Variants in LAMB4 observed in about 807,000 individuals in gnomAD.
LAMB4 encodes laminin subunit beta 4.
Under a neutral mutation model 199.2 loss-of-function variants are expected in LAMB4, and 196 were observed. The observed-to-expected ratio is 0.98, with a 90% CI of 0.88 to 1.11. The LOEUF (loss-of-function observed/expected upper bound fraction) is 1.11, where lower values mean the gene tolerates loss of function less well. Ranked by LOEUF, LAMB4 falls within the 50% of genes least tolerant of loss-of-function variation. The pLI is 0.00. For missense variants in LAMB4, 2,080 were observed against 2,171.2 expected (o/e 0.96, Z 0.83); for synonymous variants, 744 against 770.6 (o/e 0.97, Z 0.57).
At chr7:108,017,413 CAG>C in the LAMB4 span, among the ~76,000 whole-genome samples, 1 of 152,030 alleles carries the variant, frequency 6.6e-6, no homozygotes, top group Non-Finnish European at 1.5e-5. Flanking sequence ...AGAGAAGAAA[CAG>C]GGTGGAGGGC....
At position 108,067,094 on chromosome 7, in the gene LAMB4, T is replaced by A. The variant is rs1242589298; in HGVS notation, c.2447-494A>T. Among the ~76,000 whole-genome samples the A allele has an allele frequency of 5.3e-5, 8 of 152,274 alleles. No homozygotes were observed. In the East Asian group the frequency reaches 1.5e-3, roughly 29 times the overall value. The stretch of plus-strand genomic sequence containing the variant: ...ATTGTTGAATCCCTTGAGCCAATCT[T>A]CCCTGTGCCAAAATGTGATGCCAGT... On this transcript the variant is annotated intron_variant, in intron 19 of 33. Transcript: ENST00000388781.
At chr7:108,029,918 G>C (rs934817021) in intron 32 of LAMB4, among the ~76,000 whole-genome samples, 1 of 152,074 alleles carries the variant, frequency 6.6e-6, no homozygotes, top group African/African-American at 2.4e-5. Context: ...AGGAGATTGA[G>C]ACCATCCTGG....
Position 108,069,643 on chromosome 7 carries a change from T to A in LAMB4, c.2302+65A>T. ...TGGAGTGGATGCTAACATAAATTGA[T>A]TTGCTCCAAAAAGCATTTGTATGGA... On this transcript the variant is annotated intron_variant, in intron 18 of 33. Coordinates refer to ENST00000388781, the MANE Select transcript of LAMB4 (RefSeq NM_007356.3). 2.1e-6 allele frequency: 3 copies of A among 1,462,248 alleles called. No individual in the cohort carries two copies. The South Asian group carries it at 3.8e-5, about 18-fold the overall frequency. The allele number at this position is 1,462,248 out of a possible 1,614,324, so 90.6% of individuals were successfully genotyped here.
intron 17 of LAMB4, chr7:108,075,515 G>A (rs1477640775): frequency 1.3e-5 from 2 of 152,126 alleles, no homozygotes; most frequent in East Asian, 3.8e-4. Context: ...GATATTAGAA[G>A]ATTCTCACAA....
chr7:108,125,747 G>C (rs967199755), intron 1 of LAMB4, among the ~76,000 whole-genome samples: 2 of 152,240 alleles, frequency 1.3e-5, no homozygotes, highest in Non-Finnish European at 2.9e-5. Context: ...ACAGGAGGTG[G>C]AACTGTAATG....
chr7:108,101,462 A>C (rs2037812379), intron 10 of LAMB4, among the ~76,000 whole-genome samples: 1 of 152,192 alleles, frequency 6.6e-6, no homozygotes, highest in South Asian at 2.1e-4. Flanking sequence ...GGGGACATGG[A>C]AACTCAGGCC....
At chr7:108,109,374 A>G in intron 4 of LAMB4, 130 bp from the exon 5 acceptor site, 1 of 687,138 alleles carries the variant, frequency 1.5e-6, no homozygotes, top group East Asian at 2.7e-5. Flanking sequence ...CACTCTTCCC[A>G]GTCTGTTGGA....
intron 32 of LAMB4, among the ~76,000 whole-genome samples, chr7:108,029,760 G>T (rs959217032): frequency 6.6e-6 from 1 of 152,102 alleles, no homozygotes; most frequent in Non-Finnish European, 1.5e-5. Context: ...AACCTAGAAG[G>T]TTAAGTAGAT....
chr7:108,049,907 C>T (rs2035773951), intron 26 of LAMB4, among the ~76,000 whole-genome samples: 1 of 152,014 alleles, frequency 6.6e-6, no homozygotes, highest in African/African-American at 2.4e-5. Flanking sequence ...AAATAATTTC[C>T]ACAAATATAA....
At chr7:108,052,686 A>G (rs2035862835) in intron 25 of LAMB4, among the ~76,000 whole-genome samples, 2 of 152,226 alleles carry the variant, frequency 1.3e-5, no homozygotes, top group South Asian at 4.1e-4. Flanking sequence ...TTTAGAATCA[A>G]TCTGCATTCA....
intron 14 of LAMB4, among the ~76,000 whole-genome samples, chr7:108,084,114 T>A (rs1023957673): frequency 3.3e-5 from 5 of 152,068 alleles, no homozygotes; most frequent in Non-Finnish European, 5.9e-5. Context: ...GGGATGAGAG[T>A]GTGAGTCATC....
intron 1 of LAMB4, among the ~76,000 whole-genome samples, chr7:108,125,110 G>A (rs1342288106): frequency 6.6e-6 from 1 of 152,134 alleles, no homozygotes; most frequent in Non-Finnish European, 1.5e-5. Flanking sequence ...TCTACCTGTT[G>A]GAAAAGTCTG....
chr7:108,060,563 G>A (rs557502459), intron 23 of LAMB4, among the ~76,000 whole-genome samples: 1 of 152,300 alleles, frequency 6.6e-6, no homozygotes, highest in South Asian at 2.1e-4. Flanking sequence ...CATAAGATGA[G>A]CCTGAAATAT....
intron 28 of LAMB4, among the ~76,000 whole-genome samples, chr7:108,046,236 A>ATTTTTTTTTTTTTTTTTTT (rs559845089): frequency 7.5e-6 from 1 of 132,850 alleles, no homozygotes; most frequent in Non-Finnish European, 1.6e-5. Context: ...TCCTGGCTAA[A>ATTTTTTTTTTTTTTTTTTT]TTTTTTTTTT....
intron 28 of LAMB4, among the ~76,000 whole-genome samples, chr7:108,045,041 G>T (rs2035574714): frequency 6.7e-6 from 1 of 150,200 alleles, no homozygotes; most frequent in South Asian, 2.1e-4. Context: ...TGCTTAATTT[G>T]AGCCATACAG....
intron 23 of LAMB4, 47 bp from the exon 24 acceptor site, chr7:108,057,975 A>G (rs1296524292): frequency 7.9e-7 from 1 of 1,272,448 alleles, no homozygotes; most frequent in South Asian, 1.2e-5. Flanking sequence ...TTATGGTCTA[A>G]AAAAAAATGC....
At chr7:108,020,941 G>A, downstream of LAMB4, among the ~76,000 whole-genome samples, 1 of 152,176 alleles carries the variant, frequency 6.6e-6, no homozygotes, top group Non-Finnish European at 1.5e-5. Context: ...AAGATAAATA[G>A]AGCTGCTGGT....
chr7:108,114,131 C>T (rs1320221297), intron 3 of LAMB4, among the ~76,000 whole-genome samples: 3 of 152,158 alleles, frequency 2.0e-5, no homozygotes, highest in Admixed American at 1.3e-4. Flanking sequence ...AGATGGCTGG[C>T]GCTCATATTG....
intron 29 of LAMB4, among the ~76,000 whole-genome samples, chr7:108,042,599 A>G (rs1396250440): frequency 6.6e-6 from 1 of 152,188 alleles, no homozygotes; most frequent in African/African-American, 2.4e-5. Context: ...CATGTCCAGT[A>G]GACTGATTCT....
Sources: allele counts gnomAD v4.1 joint callset (sites outside exome capture counted in the v4.1 genomes callset), GRCh38; gene constraint gnomAD v4.1.1; transcripts MANE v1.5; gene names NCBI Gene and HGNC (gene_info 2026-07-23, HGNC 2026-07-21).